Variants in LTBP1 observed in about 807,000 individuals in gnomAD.
The protein encoded by LTBP1 is latent-transforming growth factor beta-binding protein 1.
Under a neutral mutation model 207.6 loss-of-function variants are expected in LTBP1, and 129 were observed. The observed-to-expected ratio is 0.62, with a 90% CI of 0.54 to 0.72. LTBP1 has a LOEUF of 0.72. Ranked by LOEUF, LTBP1 falls within the 30% of genes least tolerant of loss-of-function variation. LTBP1 has a pLI of 0.00. For missense variants in LTBP1, 2,281 were observed against 2,217.2 expected (o/e 1.03, Z -0.58); for synonymous variants, 963 against 833.7 (o/e 1.16, Z -2.67).
At chr2:32,994,969 T>C (rs909658063) in intron 2 of LTBP1, among the ~76,000 whole-genome samples, 4 of 152,048 alleles carry the variant, frequency 2.6e-5, no homozygotes, top group African/African-American at 9.7e-5. Context: ...GTGGGAAGAT[T>C]GCTTGAGGTC....
intron 5 of LTBP1, among the ~76,000 whole-genome samples, chr2:33,163,078 C>A (rs1217101045): frequency 6.6e-6 from 1 of 152,186 alleles, no homozygotes; most frequent in African/African-American, 2.4e-5. Context: ...GCCCCCTGGG[C>A]TCGAGCAATC....
intron 10 of LTBP1, among the ~76,000 whole-genome samples, chr2:33,245,761 A>T (rs1481446675): frequency 6.6e-6 from 1 of 152,216 alleles, no homozygotes; most frequent in Non-Finnish European, 1.5e-5. Flanking sequence ...ATTTAAATGT[A>T]AAGATTGTAG....
chr2:33,209,105 T>A (rs1338135601), intron 7 of LTBP1, among the ~76,000 whole-genome samples: 1 of 152,040 alleles, frequency 6.6e-6, no homozygotes, highest in Admixed American at 6.5e-5. Flanking sequence ...ACTCCTGACC[T>A]CAAGTGACCC....
intron 19 of LTBP1, among the ~76,000 whole-genome samples, chr2:33,281,269 A>G (rs1276909217): frequency 1.3e-5 from 2 of 152,182 alleles, no homozygotes; most frequent in African/African-American, 4.8e-5. Context: ...GGAGGGTTCT[A>G]TGATGCTGTG....
At chr2:33,379,196 CTTTTTT>C (rs550839552) in intron 31 of LTBP1, among the ~76,000 whole-genome samples, 1 of 108,528 alleles carries the variant, frequency 9.2e-6, no homozygotes, top group African/African-American at 3.5e-5. Context: ...TTTGCCATTG[CTTTTTT>C]TTTTTTTTTT....
chr2:33,345,286 A>G (rs951687097), intron 25 of LTBP1, among the ~76,000 whole-genome samples: 8 of 152,194 alleles, frequency 5.3e-5, no homozygotes, highest in Non-Finnish European at 8.8e-5. Flanking sequence ...AGCATGTACA[A>G]TTATTTTGTT....
chr2:33,259,512 G>GT (rs1383661143), intron 12 of LTBP1, 76 bp from the exon 13 acceptor site: 3 of 1,058,224 alleles, frequency 2.8e-6, no homozygotes, highest in African/African-American at 3.2e-5. Flanking sequence ...GACTTCTATT[G>GT]TTTTTTAAGA....
intron 18 of LTBP1, among the ~76,000 whole-genome samples, chr2:33,276,857 A>ACGAAG (rs1393230240): frequency 9.2e-5 from 14 of 152,162 alleles, no homozygotes; most frequent in African/African-American, 3.1e-4. Flanking sequence ...TCTCCAAAAA[A>ACGAAG]CAAAGCAAAA....
chr2:33,048,078 C>A (rs540339469), intron 3 of LTBP1, among the ~76,000 whole-genome samples: 1 of 152,018 alleles, frequency 6.6e-6, no homozygotes, highest in Admixed American at 6.5e-5. Flanking sequence ...AATTAAGAGC[C>A]GTAGCATTGT....
chr2:33,010,239 C>G (rs989882461), intron 2 of LTBP1, among the ~76,000 whole-genome samples: 2 of 152,160 alleles, frequency 1.3e-5, no homozygotes, highest in Non-Finnish European at 2.9e-5. Context: ...AGAACAGATT[C>G]CGTGGAAAAG....
intron 3 of LTBP1, among the ~76,000 whole-genome samples, chr2:33,087,869 C>G (rs1211452437): frequency 6.6e-6 from 1 of 152,146 alleles, no homozygotes; most frequent in Non-Finnish European, 1.5e-5. Context: ...AAGTTAAAGA[C>G]CTCCAAAAAT....
chr2:33,119,485 C>T (rs1320531259), intron 4 of LTBP1, among the ~76,000 whole-genome samples: 3 of 152,182 alleles, frequency 2.0e-5, no homozygotes, highest in Non-Finnish European at 4.4e-5. Context: ...GAAGAGTCCC[C>T]TTAATGTTGA....
chr2:33,155,155 TATC>T, intron 5 of LTBP1, among the ~76,000 whole-genome samples: 1 of 152,188 alleles, frequency 6.6e-6, no homozygotes, highest in East Asian at 1.9e-4. Context: ...TACAGATTAT[TATC>T]ATTATTATTA....
chr2:33,390,739 G>A (rs916158630), intron 32 of LTBP1, among the ~76,000 whole-genome samples: 3 of 151,988 alleles, frequency 2.0e-5, no homozygotes, highest in Non-Finnish European at 2.9e-5. Flanking sequence ...TGATTCATCC[G>A]CCTCGGCCTC....
At chr2:32,993,144 G>A (rs1684681499) in intron 2 of LTBP1, among the ~76,000 whole-genome samples, 1 of 151,970 alleles carries the variant, frequency 6.6e-6, no homozygotes, top group African/African-American at 2.4e-5. Flanking sequence ...GCATGAGGAG[G>A]GTCAGGATCC....
At chr2:32,975,210 C>A (rs887612891) in intron 2 of LTBP1, among the ~76,000 whole-genome samples, 9 of 152,208 alleles carry the variant, frequency 5.9e-5, no homozygotes, top group African/African-American at 1.9e-4. Context: ...GGCCCCCAGT[C>A]TCTTCTGGCT....
At chr2:33,188,528 G>T (rs376071249) in intron 6 of LTBP1, 49 bp from the exon 7 acceptor site, 4 of 1,450,402 alleles carry the variant, frequency 2.8e-6, no homozygotes, top group African/African-American at 1.4e-5. Context: ...CTTTTGATTT[G>T]CCTGTTAGTT....
intron 5 of LTBP1, among the ~76,000 whole-genome samples, chr2:33,140,603 T>C (rs981621056): frequency 2.6e-5 from 4 of 152,088 alleles, no homozygotes; most frequent in African/African-American, 9.7e-5. Context: ...TTTTATTTTC[T>C]AATACTGAAT....
intron 9 of LTBP1, among the ~76,000 whole-genome samples, chr2:33,238,282 C>T (rs73927049): frequency 3.1e-4 from 47 of 152,270 alleles, no homozygotes; most frequent in African/African-American, 1.1e-3. Context: ...TGTCCTGACT[C>T]CTGTTGGACA....
Sources: gnomAD v4.1 joint callset for allele counts (sites outside exome capture counted in the v4.1 genomes callset) on GRCh38, gnomAD v4.1.1 for gene constraint, MANE v1.5 for transcripts, NCBI Gene and HGNC (gene_info 2026-07-23, HGNC 2026-07-21) for gene names.